Variants in MAML1 observed in about 807,000 individuals in gnomAD.
MAML1 encodes mastermind-like protein 1.
Under a neutral mutation model 77.1 loss-of-function variants are expected in MAML1, and 14 were observed. That is an observed-to-expected ratio of 0.18 (90% CI 0.12 to 0.28). MAML1 has a LOEUF of 0.28. Among genes scored for constraint, MAML1 ranks in the 10% least tolerant of loss-of-function variants. The pLI is 1.00. For missense variants in MAML1, 1,217 were observed against 1,327.8 expected (o/e 0.92, Z 1.30); for synonymous variants, 516 against 551.9 (o/e 0.93, Z 0.91).
intron 2 of MAML1, among the ~76,000 whole-genome samples, chr5:179,767,473 A>G (rs990025264): frequency 6.6e-6 from 1 of 152,202 alleles, no homozygotes; most frequent in African/African-American, 2.4e-5. Flanking sequence ...ACATGCTGTA[A>G]AATGTTCATA....
At chr5:179,751,855 T>G (rs919338816) in intron 1 of MAML1, among the ~76,000 whole-genome samples, 3 of 151,582 alleles carry the variant, frequency 2.0e-5, no homozygotes, top group Non-Finnish European at 4.4e-5. Flanking sequence ...TTACAAAAAA[T>G]TAGCCAGGCT....
At chr5:179,736,022 T>C (rs1249088029) in intron 1 of MAML1, among the ~76,000 whole-genome samples, 1 of 152,048 alleles carries the variant, frequency 6.6e-6, no homozygotes, top group African/African-American at 2.4e-5. Flanking sequence ...CACTTGTTAC[T>C]TTAGGTCGCA....
intron 1 of MAML1, among the ~76,000 whole-genome samples, chr5:179,754,349 T>G (rs1262907213): frequency 6.6e-6 from 1 of 152,082 alleles, no homozygotes; most frequent in African/African-American, 2.4e-5. Flanking sequence ...AGTCCTAGCC[T>G]TTTGGTAGGC....
At chr5:179,757,164 A>G (rs1779636642) in intron 1 of MAML1, among the ~76,000 whole-genome samples, 1 of 152,134 alleles carries the variant, frequency 6.6e-6, no homozygotes, top group African/African-American at 2.4e-5. Context: ...GTTAATTTAT[A>G]TACAGCCTGT....
At chr5:179,773,664 A>G in intron 4 of MAML1, 1 of 835,826 alleles carries the variant, frequency 1.2e-6, no homozygotes, top group Middle Eastern at 6.3e-4. Context: ...GAAGTAGGTC[A>G]CTGGTTTTCT....
At chr5:179,752,258 G>A (rs1287165934) in intron 1 of MAML1, among the ~76,000 whole-genome samples, 3 of 144,790 alleles carry the variant, frequency 2.1e-5, no homozygotes, top group African/African-American at 5.1e-5. Context: ...CGCGGGAGGT[G>A]GAGGTTGCAG....
intron 1 of MAML1, among the ~76,000 whole-genome samples, chr5:179,736,965 TA>T (rs776661841): frequency 0.029 from 2,573 of 89,348 alleles, 23 homozygotes; most frequent in African/African-American, 0.033. Context: ...CGTCTCAAAT[TA>T]AAAAAAAAAA....
intron 1 of MAML1, among the ~76,000 whole-genome samples, chr5:179,745,837 G>A (rs1453397263): frequency 2.5e-5 from 3 of 120,626 alleles, no homozygotes; most frequent in Non-Finnish European, 4.9e-5. Flanking sequence ...TCCAGCCTGA[G>A]CGACAGAGCG....
Position 179,733,287 on chromosome 5 carries a change from C to T in MAML1, c.175C>T (p.Leu59=), listed in dbSNP as rs1779102680. ...LELERQHTFA[L]HQRCIQAKAK... is the part of the protein sequence containing the mutation. The stretch of plus-strand genomic sequence containing the variant: ...GCTGGAGCGCCAACACACCTTCGCC[C>T]TGCACCAGCGCTGCATCCAGGCCAA... Residue 59 remains leucine, a synonymous_variant, in exon 1 of 5, where the codon CTG becomes TTG. Coordinates refer to ENST00000292599, the MANE Select transcript of MAML1 (RefSeq NM_014757.5). 4.1e-6 allele frequency: 6 copies of T among 1,455,988 alleles called. No individual in the cohort carries two copies. Among genetic ancestry groups the T allele is most frequent in the Non-Finnish European group, 4.5e-6 (5 of 1,105,396 alleles). The allele number at this position is 1,455,988 out of a possible 1,614,324, so 90.2% of individuals were successfully genotyped here.
At chr5:179,735,533 G>A (rs1394951481) in intron 1 of MAML1, among the ~76,000 whole-genome samples, 1 of 151,948 alleles carries the variant, frequency 6.6e-6, no homozygotes, top group Admixed American at 6.6e-5. Context: ...GATTACAGGT[G>A]CTGGCCACCA....
rs1779100443 is a variant in MAML1, at chr5:179,733,219, C to T, written c.107C>T (p.Thr36Ile). The T allele has an allele frequency of 1.4e-6, 2 of 1,478,916 alleles. No homozygotes were observed. Among genetic ancestry groups the T allele is most frequent in the Non-Finnish European group, 8.9e-7 (1 of 1,118,280 alleles). 91.6% of individuals were successfully genotyped at this position (1,478,916 alleles called of 1,614,324 possible). Reference protein sequence around the residue: ...RIELCRRHHSTCEARYEAVSP... With the variant: ...RIELCRRHHSICEARYEAVSP... ...GAGCTGTGCCGGCGCCACCACAGCA[C>T]CTGCGAGGCCCGCTACGAGGCCGTG... is the stretch of plus-strand genomic sequence containing the variant. Residue 36 changes from threonine to isoleucine, a missense_variant, in exon 1 of 5, where the codon ACC becomes ATC. By Grantham distance (89) the Thr-to-Ile change is moderately conservative. Coordinates refer to ENST00000292599, the MANE Select transcript of MAML1 (RefSeq NM_014757.5).
Position 179,733,293 on chromosome 5 carries a change from C to T in MAML1, c.181C>T (p.Gln61Ter). 1 of 1,452,016 alleles carries T rather than the reference C, an allele frequency of 6.9e-7. No individual in the cohort carries two copies. The highest frequency in any genetic ancestry group is 9.1e-7 in the Non-Finnish European group (1 of 1,102,954). The allele number at this position is 1,452,016 out of a possible 1,614,324, so 89.9% of individuals were successfully genotyped here. A position where few individuals can be genotyped will look rare whatever the true frequency, so the allele number is the denominator to read the frequency against. ...LERQHTFALH[Q>*]RCIQAKAKRA... ...GCGCCAACACACCTTCGCCCTGCAC[C>T]AGCGCTGCATCCAGGCCAAGGCCAA... The change falls in exon 1 of 5, where the codon CAG becomes TAG. Residue 61 changes from glutamine (Q) to a stop codon, truncating the protein, a stop_gained. Coordinates refer to ENST00000292599, the MANE Select transcript of MAML1 (RefSeq NM_014757.5). LOFTEE classifies it high-confidence loss of function.
At chr5:179,754,541 G>T (rs1779573501) in intron 1 of MAML1, among the ~76,000 whole-genome samples, 1 of 151,936 alleles carries the variant, frequency 6.6e-6, no homozygotes, top group Non-Finnish European at 1.5e-5. Context: ...AGTAAGCTAG[G>T]ATCACCCCAC....
At chr5:179,736,210 A>T (rs1016654438) in intron 1 of MAML1, among the ~76,000 whole-genome samples, 1 of 152,220 alleles carries the variant, frequency 6.6e-6, no homozygotes, top group African/African-American at 2.4e-5. Flanking sequence ...ATGTAACTTC[A>T]TGAGCCACCT....
chr5:179,752,340 A>ATATATATATATATATATAT (rs1413175645), intron 1 of MAML1, among the ~76,000 whole-genome samples: 2 of 53,492 alleles, frequency 3.7e-5, no homozygotes, highest in African/African-American at 5.3e-5. Context: ...AAAAAAAAAA[A>ATATATATATATATATATAT]AAAAAAAAAA....
intron 1 of MAML1, among the ~76,000 whole-genome samples, chr5:179,750,429 C>T (rs1359180047): frequency 1.3e-5 from 2 of 151,418 alleles, no homozygotes; most frequent in East Asian, 1.9e-4. Flanking sequence ...TCCCTAGGGC[C>T]CAGAGAGTGG....
intron 1 of MAML1, among the ~76,000 whole-genome samples, chr5:179,735,178 A>G (rs1456061924): frequency 7.0e-6 from 1 of 143,660 alleles, no homozygotes; most frequent in Non-Finnish European, 1.5e-5. Context: ...GTATGATAAT[A>G]ATAAATAAAT....
chr5:179,742,611 T>C lies in MAML1; in HGVS notation c.315+9184T>C, dbSNP rs547579504. On this transcript the variant is annotated intron_variant, in intron 1 of 4. Transcript: ENST00000292599. ...TGAAATCAGGAGTTCGAGACCAGCC[T>C]GGCCAACATGGTGAAACCCTGTCCC... Among the ~76,000 whole-genome samples the C allele has an allele frequency of 3.9e-5, 6 of 152,284 alleles. No individual in the cohort carries two copies. In the South Asian group the frequency reaches 1.0e-3, roughly 26 times the overall value.
chr5:179,768,462 A>G (rs771602978), intron 2 of MAML1, among the ~76,000 whole-genome samples: 1 of 152,244 alleles, frequency 6.6e-6, no homozygotes, highest in Non-Finnish European at 1.5e-5. Flanking sequence ...CGTCTGAAAA[A>G]AAACAAAAAG....
Sources: allele counts gnomAD v4.1 joint callset (sites outside exome capture counted in the v4.1 genomes callset), GRCh38; gene constraint gnomAD v4.1.1; transcripts MANE v1.5; gene names NCBI Gene and HGNC (gene_info 2026-07-23, HGNC 2026-07-21).